CENPO: variants seen among roughly 807,000 people sequenced by gnomAD.
CENPO encodes centromere protein O.
In CENPO, 30 loss-of-function variants were observed where a neutral mutation model predicts 36.1. The observed-to-expected ratio is 0.83, with a 90% CI of 0.62 to 1.13. The LOEUF (loss-of-function observed/expected upper bound fraction) is 1.13. Among genes scored for constraint, CENPO ranks in the 50% most tolerant of loss-of-function variants. The pLI, the probability that CENPO is intolerant of heterozygous loss-of-function variation, is 0.00. For missense variants in CENPO, 349 were observed against 357.8 expected (o/e 0.98, Z 0.20); for synonymous variants, 171 against 142.3 (o/e 1.20, Z -1.44).
intron 3 of CENPO, among the ~76,000 whole-genome samples, chr2:24,813,780 C>T (rs1358369174): frequency 6.6e-6 from 1 of 152,314 alleles, no homozygotes; most frequent in East Asian, 1.9e-4. Flanking sequence ...TAAGGAAATG[C>T]TCTGAGGCCA....
At chr2:24,806,612 T>C (rs1214195844) in intron 3 of CENPO, among the ~76,000 whole-genome samples, 1 of 152,228 alleles carries the variant, frequency 6.6e-6, no homozygotes, top group African/African-American at 2.4e-5. Flanking sequence ...TGCTGAGTCA[T>C]AGGATATGCA....
chr2:24,822,346 C>T lies in CENPO; in HGVS notation c.*3028C>T. 9.8e-7 allele frequency: 1 copy of T among 1,024,150 alleles called. No individual in the cohort carries two copies. The highest frequency in any genetic ancestry group is 1.4e-6 in the Non-Finnish European group (1 of 706,766). The allele number at this position is 1,024,150 out of a possible 1,614,324, so 63.4% of individuals were successfully genotyped here. A position where few individuals can be genotyped will look rare whatever the true frequency, so the allele number is the denominator to read the frequency against. On this transcript the variant is annotated 3_prime_UTR_variant, in exon 8 of 8. Transcript: ENST00000380834. ...CTGTTCTGTTTCTCTGCTTGCCGAA[C>T]TTTCTCAATAAACCCTATTTCTTAT... is the stretch of plus-strand genomic sequence containing the variant.
chr2:24,818,723 C>T (rs575724312), intron 7 of CENPO, among the ~76,000 whole-genome samples: 4 of 152,342 alleles, frequency 2.6e-5, no homozygotes, highest in East Asian at 3.9e-4. Context: ...GCAGGCTCTC[C>T]GGTTAGTGTC....
chr2:24,809,508 GTTTTTC>G (rs1002429533), intron 3 of CENPO, among the ~76,000 whole-genome samples: 34 of 151,736 alleles, frequency 2.2e-4, no homozygotes, highest in African/African-American at 6.5e-4. Flanking sequence ...TGTCCCACAA[GTTTTTC>G]TTTTTCTTTT....
chr2:24,800,691 G>A (rs989173636), intron 3 of CENPO, among the ~76,000 whole-genome samples: 1 of 152,106 alleles, frequency 6.6e-6, no homozygotes, highest in Non-Finnish European at 1.5e-5. Flanking sequence ...ATTCCATGGT[G>A]TATATGTGCC....
chr2:24,821,547 G>C lies in CENPO; in HGVS notation c.*2229G>C. The C allele has an allele frequency of 6.2e-7, 1 of 1,614,186 alleles. No individual in the cohort carries two copies. Among genetic ancestry groups the C allele is most frequent in the Non-Finnish European group, 8.5e-7 (1 of 1,180,034 alleles). On this transcript the variant is annotated 3_prime_UTR_variant, in exon 8 of 8. Coordinates refer to ENST00000380834, the MANE Select transcript of CENPO (RefSeq NM_001322101.2). ...CGCAGCATGAAGTTATTGAAGGACTGGTTGTTGATGTTGGTGAGCGTATCC... is the reference window on the plus strand; with the variant it reads ...CGCAGCATGAAGTTATTGAAGGACTCGTTGTTGATGTTGGTGAGCGTATCC...
At position 24,820,167 on chromosome 2, in the gene CENPO, A is replaced by C; in HGVS notation, c.*849A>C. 5.3e-4 allele frequency: 280 copies of C among 528,948 alleles called. No homozygotes were observed. Among genetic ancestry groups the C allele is most frequent in the Non-Finnish European group, 7.7e-4 (257 of 334,294 alleles). The allele number at this position is 528,948 out of a possible 1,614,324, so 32.8% of individuals were successfully genotyped here. On this transcript the variant is annotated 3_prime_UTR_variant, in exon 8 of 8. Coordinates refer to ENST00000380834, the MANE Select transcript of CENPO (RefSeq NM_001322101.2). Reference sequence around the variant, plus strand: ...GGCGTTACGGGGGGAGCCTAGACTGAGGGCGGGTGGGGGCTTTGGGTGGTT... The same window carrying C: ...GGCGTTACGGGGGGAGCCTAGACTGCGGGCGGGTGGGGGCTTTGGGTGGTT...
intron 3 of CENPO, among the ~76,000 whole-genome samples, chr2:24,809,040 C>A (rs1236633596): frequency 6.6e-6 from 1 of 152,062 alleles, no homozygotes. Flanking sequence ...ATAAGCTGTT[C>A]AGATTTCCTG....
At chr2:24,795,036 G>T (rs373541050) in intron 2 of CENPO, among the ~76,000 whole-genome samples, 1 of 152,260 alleles carries the variant, frequency 6.6e-6, no homozygotes, top group Non-Finnish European at 1.5e-5. Context: ...AGTATATGGG[G>T]TAAGATTTAT....
At chr2:24,797,035 C>T (rs1013888513) in intron 2 of CENPO, among the ~76,000 whole-genome samples, 14 of 152,130 alleles carry the variant, frequency 9.2e-5, no homozygotes, top group African/African-American at 1.2e-4. Flanking sequence ...CTGGATGACA[C>T]GATCCAGTTT....
intron 3 of CENPO, 101 bp from the exon 4 acceptor site, chr2:24,814,275 A>T (rs1229630333): frequency 2.7e-6 from 2 of 732,592 alleles, no homozygotes; most frequent in Non-Finnish European, 5.1e-6. Context: ...TTGATGTATT[A>T]TATCATGTGC....
In CENPO at chr2:24,820,625, C is replaced by T; in HGVS notation, c.*1307C>T. ...CGTCTCTGCCTCTGGACTTACTGTTCAGGGCCAGGGTGGGAGGCAGGGGCA... is the reference window on the plus strand; with the variant it reads ...CGTCTCTGCCTCTGGACTTACTGTTTAGGGCCAGGGTGGGAGGCAGGGGCA... On this transcript the variant is annotated 3_prime_UTR_variant, in exon 8 of 8. Coordinates refer to ENST00000380834, the MANE Select transcript of CENPO (RefSeq NM_001322101.2). 6.4e-7 allele frequency: 1 copy of T among 1,560,406 alleles called. No individual in the cohort carries two copies. Among genetic ancestry groups the T allele is most frequent in the South Asian group, 1.2e-5 (1 of 82,348 alleles).
Position 24,821,040 on chromosome 2 carries a change from AGCC to A in CENPO, c.*1726_*1728del. ...TTTATCCGTGTGCTTGTTAGGTGTC[AGCC>A]GCCACCCCCCCCCCATATGCAGATT... On this transcript the variant is annotated 3_prime_UTR_variant, in exon 8 of 8. Transcript: ENST00000380834. The A allele has an allele frequency of 2.7e-6, 2 of 737,718 alleles. No individual in the cohort carries two copies. Among genetic ancestry groups the A allele is most frequent in the Non-Finnish European group, 4.2e-6 (2 of 478,984 alleles). 45.7% of individuals were successfully genotyped at this position (737,718 alleles called of 1,614,324 possible).
intron 3 of CENPO, among the ~76,000 whole-genome samples, chr2:24,805,364 G>T (rs1427436435): frequency 6.6e-6 from 1 of 152,190 alleles, no homozygotes; most frequent in Admixed American, 6.5e-5. Context: ...TCCATTGCTG[G>T]TGAGGAGCTG....
At position 24,821,941 on chromosome 2, in the gene CENPO, G is replaced by A; in HGVS notation, c.*2623G>A. 3.0e-6 allele frequency: 1 copy of A among 333,118 alleles called. No individual in the cohort carries two copies. Among genetic ancestry groups the A allele is most frequent in the Non-Finnish European group, 5.6e-6 (1 of 179,554 alleles). 20.6% of individuals were successfully genotyped at this position (333,118 alleles called of 1,614,324 possible). ...TGGTCCTGGTCCTTAGGTTTTGTCA[G>A]GTTGTCCTTGTTTGGATCCCTCAAC... is the stretch of plus-strand genomic sequence containing the variant. On this transcript the variant is annotated 3_prime_UTR_variant, in exon 8 of 8. Transcript: ENST00000380834.
Position 24,820,848 on chromosome 2 carries a change from C to T in CENPO, c.*1530C>T. On this transcript the variant is annotated 3_prime_UTR_variant, in exon 8 of 8. Coordinates refer to ENST00000380834, the MANE Select transcript of CENPO (RefSeq NM_001322101.2). The stretch of plus-strand genomic sequence containing the variant: ...AGCCAGAACCCCGCCTTTGTTCATG[C>T]CTAGGGTAGAGGCATAAAGTTCAGC... 6.2e-7 allele frequency: 1 copy of T among 1,613,788 alleles called. No homozygotes were observed. Among genetic ancestry groups the T allele is most frequent in the Non-Finnish European group, 8.5e-7 (1 of 1,179,782 alleles).
chr2:24,812,612 G>A (rs1294026832), intron 3 of CENPO, among the ~76,000 whole-genome samples: 1 of 151,786 alleles, frequency 6.6e-6, no homozygotes, highest in Non-Finnish European at 1.5e-5. Context: ...CTTTAATCTG[G>A]ATATGGAAAA....
In CENPO at chr2:24,798,886, A is replaced by C. The variant is rs543766935; in HGVS notation, c.47-789A>C. Among the ~76,000 whole-genome samples, 4 of 151,934 alleles carry C rather than the reference A, an allele frequency of 2.6e-5. No individual in the cohort carries two copies. The South Asian group carries it at 8.3e-4, about 32-fold the overall frequency. On this transcript the variant is annotated intron_variant, in intron 2 of 7. Transcript: ENST00000380834. ...GTCCCAAGGCAAGGAGAGAAGATTA[A>C]GGTTTTCATATATGTTCATCCATAT...
intron 2 of CENPO, among the ~76,000 whole-genome samples, chr2:24,799,040 ATGGCACTCCAATGGAGTGCAG>A (rs67587670): frequency 0.45 from 62,735 of 140,106 alleles, 15,278 homozygotes; most frequent in Admixed American, 0.62. Context: ...CTGGAGTGCA[ATGGCACTCCAATGGAGTGCAG>A]TGATCTTGGC....
Sources: allele counts gnomAD v4.1 joint callset (sites outside exome capture counted in the v4.1 genomes callset), GRCh38; gene constraint gnomAD v4.1.1; transcripts MANE v1.5; gene names NCBI Gene and HGNC (gene_info 2026-07-23, HGNC 2026-07-21).